Variants in SENP2 observed in about 807,000 individuals in gnomAD.
SENP2 encodes the protein sentrin-specific protease 2.
Under a neutral mutation model 86.3 loss-of-function variants are expected in SENP2, and 16 were observed. The observed-to-expected ratio is 0.19, with a 90% CI of 0.13 to 0.28. The LOEUF (loss-of-function observed/expected upper bound fraction) is 0.28, where lower values mean the gene tolerates loss of function less well. Ranked by LOEUF, SENP2 falls within the 10% of genes least tolerant of loss-of-function variation. The pLI, the probability that SENP2 is intolerant of heterozygous loss-of-function variation, is 1.00. For missense variants in SENP2, 552 were observed against 703.0 expected (o/e 0.79, Z 2.43); for synonymous variants, 222 against 238.7 (o/e 0.93, Z 0.64).
intron 15 of SENP2, among the ~76,000 whole-genome samples, chr3:185,625,113 A>ATTT (rs776466200): frequency 7.0e-6 from 1 of 142,970 alleles, no homozygotes; most frequent in Non-Finnish European, 1.5e-5. Context: ...ATTTAAGCAA[A>ATTT]TTTTTTTTTT....
At chr3:185,628,577 G>C (rs1577750443) in intron 16 of SENP2, among the ~76,000 whole-genome samples, 1 of 152,312 alleles carries the variant, frequency 6.6e-6, no homozygotes, top group East Asian at 1.9e-4. Flanking sequence ...CGCAATCTCA[G>C]CTCACTGCAA....
chr3:185,603,258 G>T (rs536380467), intron 5 of SENP2, among the ~76,000 whole-genome samples: 35 of 152,162 alleles, frequency 2.3e-4, no homozygotes, highest in African/African-American at 7.7e-4. Flanking sequence ...GGAGAAGCAC[G>T]ACTGACACCA....
rs191736525 is a variant in SENP2 at position 185,613,320 on chromosome 3, A to G, written c.870-25A>G. ...GGTTTGAATCATCTAGCAGAAGTCT[A>G]TCATCTCTCAATTTTTTTCCTTAGG... On this transcript the variant is annotated intron_variant, in intron 9 of 16. Coordinates refer to ENST00000296257, the MANE Select transcript of SENP2 (RefSeq NM_021627.3). 29 of 1,360,562 alleles carry G rather than the reference A, an allele frequency of 2.1e-5. No homozygotes were observed. In the African/African-American group the frequency reaches 2.2e-4, roughly 10 times the overall value. The allele number at this position is 1,360,562 out of a possible 1,614,324, so 84.3% of individuals were successfully genotyped here.
Position 185,628,259 on chromosome 3 carries a change from C to T in SENP2, c.1708-1523C>T, listed in dbSNP as rs548600755. On this transcript the variant is annotated intron_variant, in intron 16 of 16. Coordinates refer to ENST00000296257, the MANE Select transcript of SENP2 (RefSeq NM_021627.3). ...TCAAGCGATTCTTCTGCCTCAGCCT[C>T]CCCAGTAGCTGGGACTACAGGCATG... Among the ~76,000 whole-genome samples the T allele has an allele frequency of 5.3e-5, 8 of 152,202 alleles. No homozygotes were observed. The South Asian group carries it at 1.5e-3, about 28-fold the overall frequency.
rs550684974 is a variant in SENP2, at chr3:185,600,809, G to A, written c.403G>A (p.Val135Met). ...NGISDYPKIR[V>M]TVTRDQPRRV... ...AATAAGTGACTATCCAAAGATCAGA[G>A]TGACAGTTACCCGAGATCAGCCACG... Residue 135 changes from valine to methionine, a missense_variant, in exon 5 of 17, where the codon GTG becomes ATG. Around this residue, in one of 2 missense-constraint regions of SENP2, gnomAD observed 383 missense variants for 427.3 expected, o/e 0.90. Transcript: ENST00000296257. 2 of 1,612,312 alleles carry A rather than the reference G, an allele frequency of 1.2e-6. No individual in the cohort carries two copies. The highest frequency in any genetic ancestry group is 1.7e-6 in the Non-Finnish European group (2 of 1,178,506).
At chr3:185,606,216 G>A in intron 5 of SENP2, 114 bp from the exon 6 acceptor site, 1 of 873,098 alleles carries the variant, frequency 1.1e-6, no homozygotes, top group Non-Finnish European at 1.7e-6. Flanking sequence ...TGTCTGACTT[G>A]CCAGGAGTAA....
Position 185,614,544 on chromosome 3 carries a change from T to G in SENP2, c.934-20T>G. The stretch of plus-strand genomic sequence containing the variant: ...CAAGTATCAAACATGTCAGTAGAAT[T>G]TAGATAATTTTTTGATCAGAGGAGG... On this transcript the variant is annotated intron_variant, in intron 10 of 16. Coordinates refer to ENST00000296257, the MANE Select transcript of SENP2 (RefSeq NM_021627.3). The G allele has an allele frequency of 6.3e-7, 1 of 1,585,592 alleles. No homozygotes were observed. Among genetic ancestry groups the G allele is most frequent in the Non-Finnish European group, 8.6e-7 (1 of 1,167,564 alleles).
intron 12 of SENP2, among the ~76,000 whole-genome samples, chr3:185,617,969 A>G (rs555874122): frequency 2.6e-5 from 4 of 152,230 alleles, no homozygotes; most frequent in South Asian, 4.1e-4. Flanking sequence ...TTTGAGACAG[A>G]GTTTTGCTCT....
intron 16 of SENP2, among the ~76,000 whole-genome samples, chr3:185,628,931 A>G (rs368792796): frequency 6.6e-6 from 1 of 152,220 alleles, no homozygotes; most frequent in African/African-American, 2.4e-5. Flanking sequence ...AGAATCATTT[A>G]TTAAGCAAAA....
Position 185,586,387 on chromosome 3 carries a change from C to G in SENP2, c.-27C>G. 1.9e-6 allele frequency: 3 copies of G among 1,612,708 alleles called. No individual in the cohort carries two copies. The highest frequency in any genetic ancestry group is 2.5e-6 in the Non-Finnish European group (3 of 1,179,614). On this transcript the variant is annotated 5_prime_UTR_variant, in exon 1 of 17. Transcript: ENST00000296257. The surrounding 1 kb of genome is among the most constrained non-coding windows in gnomAD (Gnocchi z 4.3). ...CTGGGGTTTGCGTCTCGGGGTGTGT[C>G]GGCCGCCGCTGCTGCTTGGGCCTGG...
intron 1 of SENP2, among the ~76,000 whole-genome samples, chr3:185,588,356 A>T (rs938185462): frequency 5.5e-5 from 8 of 146,154 alleles, no homozygotes; most frequent in African/African-American, 1.8e-4. Flanking sequence ...TCGCCCGACT[A>T]ATTTTTTGTA....
chr3:185,617,668 A>G lies in SENP2; in HGVS notation c.1242+57A>G, dbSNP rs192317729. On this transcript the variant is annotated intron_variant, in intron 12 of 16. Coordinates refer to ENST00000296257, the MANE Select transcript of SENP2 (RefSeq NM_021627.3). The stretch of plus-strand genomic sequence containing the variant: ...CATTAAGTTTATTTATTTATTATCT[A>G]TAATCAAAGTGACTCCTACCCAGTT... The G allele has an allele frequency of 2.3e-5, 34 of 1,511,086 alleles. 1 individual carries two copies. Among genetic ancestry groups the G allele is most frequent in the Non-Finnish European group, 1.9e-5 (21 of 1,105,104 alleles). The allele number at this position is 1,511,086 out of a possible 1,614,324, so 93.6% of individuals were successfully genotyped here. A position where few individuals can be genotyped will look rare whatever the true frequency, so the allele number is the denominator to read the frequency against.
chr3:185,622,196 T>C (rs13061708), intron 14 of SENP2, among the ~76,000 whole-genome samples: 43,865 of 152,104 alleles, frequency 0.29, 6,747 homozygotes, highest in African/African-American at 0.39. Context: ...TCTTAGGAAC[T>C]GTTAGTTGGG....
In SENP2 at chr3:185,611,329, A is replaced by G. The variant is rs558461368; in HGVS notation, c.723-322A>G. ...GTATTGTTTCAGGATCCATTTAAAT[A>G]CATAGCTTAAAAAGTTTTTTATCTT... On this transcript the variant is annotated intron_variant, in intron 7 of 16. Coordinates refer to ENST00000296257, the MANE Select transcript of SENP2 (RefSeq NM_021627.3). Among the ~76,000 whole-genome samples the G allele has an allele frequency of 2.6e-5, 4 of 152,266 alleles. No homozygotes were observed. In the East Asian group the frequency reaches 7.8e-4, roughly 30 times the overall value.
At chr3:185,590,415 G>A (rs535012983) in intron 2 of SENP2, among the ~76,000 whole-genome samples, 8 of 151,628 alleles carry the variant, frequency 5.3e-5, no homozygotes, top group Non-Finnish European at 1.0e-4. Flanking sequence ...TGCTGTGGTG[G>A]CAGGAGCTTG....
Position 185,598,257 on chromosome 3 carries a change from C to T in SENP2, c.158-155C>T, listed in dbSNP as rs564372342. 1.6e-4 allele frequency: 117 copies of T among 750,494 alleles called. No individual in the cohort carries two copies. In the South Asian group the frequency reaches 2.0e-3, roughly 13 times the overall value. 46.5% of individuals were successfully genotyped at this position (750,494 alleles called of 1,614,324 possible). A position where few individuals can be genotyped will look rare whatever the true frequency, so the allele number is the denominator to read the frequency against. ...CTGGGCTCAAGCAATCCTCCCACCT[C>T]AGCCTCCCAAAGTGTTGGGATTACA... is the stretch of plus-strand genomic sequence containing the variant. On this transcript the variant is annotated intron_variant, in intron 2 of 16. Transcript: ENST00000296257.
At chr3:185,614,804 T>C in intron 11 of SENP2, 64 bp downstream of exon 11, 1 of 1,512,022 alleles carries the variant, frequency 6.6e-7, no homozygotes, top group Non-Finnish European at 9.1e-7. Flanking sequence ...TTATTCTAAC[T>C]TGAATGTTTT....
Position 185,629,910 on chromosome 3 carries a change from C to A in SENP2, c.*66C>A. 1 of 1,497,834 alleles carries A rather than the reference C, an allele frequency of 6.7e-7. No homozygotes were observed. The highest frequency in any genetic ancestry group is 9.3e-7 in the Non-Finnish European group (1 of 1,075,836). 92.8% of individuals were successfully genotyped at this position (1,497,834 alleles called of 1,614,324 possible). ...CACAGACATTTCCATATACCTCATG[C>A]ATTGTGGGTTAAAAAGTCCCTGCAT... On this transcript the variant is annotated 3_prime_UTR_variant, in exon 17 of 17. Transcript: ENST00000296257.
In SENP2 at chr3:185,632,726, G is replaced by A. The variant is rs1712542862; in HGVS notation, c.*2882G>A. On this transcript the variant is annotated 3_prime_UTR_variant, in exon 17 of 17. Transcript: ENST00000296257. ...TTTAGTGGAGACGGGGTTTCTCCAT[G>A]TTGGTCAGGCTGGTCTTAAACTCCC... is the stretch of plus-strand genomic sequence containing the variant. The A allele has an allele frequency of 6.6e-6, 1 of 152,110 alleles. No homozygotes were observed. The highest frequency in any genetic ancestry group is 1.9e-4 in the East Asian group (1 of 5,192). 9.4% of individuals were successfully genotyped at this position (152,110 alleles called of 1,614,324 possible). A position where few individuals can be genotyped will look rare whatever the true frequency, so the allele number is the denominator to read the frequency against.
Sources: allele counts gnomAD v4.1 joint callset (sites outside exome capture counted in the v4.1 genomes callset), GRCh38; gene constraint gnomAD v4.1.1; regional missense constraint gnomAD v4.1.1; non-coding constraint Gnocchi (gnomAD v3.1); transcripts MANE v1.5; gene names NCBI Gene and HGNC (gene_info 2026-07-23, HGNC 2026-07-21).